The following IGF1R variants were observed in gnomAD, a reference collection of about 807,000 sequenced individuals.
The protein encoded by IGF1R is insulin-like growth factor 1 receptor.
A neutral mutation model predicts 144.6 loss-of-function variants in IGF1R; 44 were observed. That is an observed-to-expected ratio of 0.30 (90% CI 0.24 to 0.39). The LOEUF (loss-of-function observed/expected upper bound fraction) is 0.39. IGF1R is among the 10% of genes least tolerant of loss of function. IGF1R has a pLI of 1.00. For synonymous variants in IGF1R, 795 were observed against 722.8 expected (o/e 1.10, Z -1.60); for missense variants, 1,355 against 1,833.7 (o/e 0.74, Z 4.77).
At chr15:98,822,586 G>A (rs928673564) in intron 2 of IGF1R, among the ~76,000 whole-genome samples, 1 of 152,188 alleles carries the variant, frequency 6.6e-6, no homozygotes, top group African/African-American at 2.4e-5. Context: ...GGGTTATAAA[G>A]CTTCTTATTC....
intron 2 of IGF1R, among the ~76,000 whole-genome samples, chr15:98,745,149 C>A (rs1441527748): frequency 6.6e-6 from 1 of 152,240 alleles, no homozygotes; most frequent in African/African-American, 2.4e-5. Flanking sequence ...AGAAGGAAGT[C>A]ATGCTTCTCA....
intron 2 of IGF1R, among the ~76,000 whole-genome samples, chr15:98,847,285 T>G (rs2011367234): frequency 6.6e-6 from 1 of 152,160 alleles, no homozygotes; most frequent in Non-Finnish European, 1.5e-5. Flanking sequence ...TACCGGACAG[T>G]CCACTCTTTA....
intron 2 of IGF1R, among the ~76,000 whole-genome samples, chr15:98,855,920 G>C (rs957213940): frequency 1.3e-5 from 2 of 152,226 alleles, no homozygotes; most frequent in Non-Finnish European, 2.9e-5. Flanking sequence ...TGGTGCAGCT[G>C]GTCAGTTTGC....
At chr15:98,864,005 C>A (rs549272932) in intron 2 of IGF1R, among the ~76,000 whole-genome samples, 1 of 152,172 alleles carries the variant, frequency 6.6e-6, no homozygotes, top group African/African-American at 2.4e-5. Flanking sequence ...TGCCTGTTAT[C>A]CCAGCACTTT....
Position 98,924,596 on chromosome 15 carries a change from G to T in IGF1R, c.2694G>T (p.Pro898=), listed in dbSNP as rs146023463. ...YGGAKLNRLN[P]GNYTARIQAT... is the part of the protein sequence containing the mutation. ...GGGCCAAGCTAAACCGGCTAAACCC[G>T]GGGAACTACACAGCCCGGATTCAGG... is the stretch of plus-strand genomic sequence containing the variant. The change falls in exon 13 of 21, where the codon CCG becomes CCT. Residue 898 remains proline (P), a synonymous_variant. Coordinates refer to ENST00000650285, the MANE Select transcript of IGF1R (RefSeq NM_000875.5). 11 of 1,614,072 alleles carry T rather than the reference G, an allele frequency of 6.8e-6. No homozygotes were observed. Among genetic ancestry groups the T allele is most frequent in the Non-Finnish European group, 9.3e-6 (11 of 1,179,928 alleles).
rs45567841 is a variant in IGF1R at position 98,891,754 on chromosome 15, A to G, written c.953+117A>G. 969 of 990,484 alleles carry G rather than the reference A, an allele frequency of 9.8e-4. 9 individuals carry two copies. In the African/African-American group the frequency reaches 0.01, roughly 10 times the overall value. The allele number at this position is 990,484 out of a possible 1,614,324, so 61.4% of individuals were successfully genotyped here. ...GGTGCAGCCCTCAGGAAGTTCACTG[A>G]GGTGGGTCATTTTGAGAGGGCTGGC... On this transcript the variant is annotated intron_variant, in intron 3 of 20. Coordinates refer to ENST00000650285, the MANE Select transcript of IGF1R (RefSeq NM_000875.5). This position sits in a 1 kb window ranked among gnomAD's most constrained non-coding sequence, Gnocchi z 4.7.
At chr15:98,887,124 T>C (rs1455177291) in intron 2 of IGF1R, among the ~76,000 whole-genome samples, 1 of 152,188 alleles carries the variant, frequency 6.6e-6, no homozygotes, top group Non-Finnish European at 1.5e-5. Flanking sequence ...TGATTTTTCC[T>C]GGTTGGTTTT....
rs756152020 is a variant in IGF1R, at chr15:98,707,454, T to C, written c.95-108T>C. ...GCAGTGAACAATTGAACCTCATTTCTTTAATAATAATACAGGATTCCTGAA... is the reference window on the plus strand; with the variant it reads ...GCAGTGAACAATTGAACCTCATTTCCTTAATAATAATACAGGATTCCTGAA... On this transcript the variant is annotated intron_variant, in intron 1 of 20. Coordinates refer to ENST00000650285, the MANE Select transcript of IGF1R (RefSeq NM_000875.5). The surrounding 1 kb of genome is among the most constrained non-coding windows in gnomAD (Gnocchi z 6.7). The C allele has an allele frequency of 1.3e-5, 15 of 1,162,906 alleles. No homozygotes were observed. The highest frequency in any genetic ancestry group is 1.6e-5 in the Non-Finnish European group (13 of 796,940). The allele number at this position is 1,162,906 out of a possible 1,614,324, so 72.0% of individuals were successfully genotyped here. A position where few individuals can be genotyped will look rare whatever the true frequency, so the allele number is the denominator to read the frequency against.
In IGF1R at chr15:98,960,481, T is replaced by G. The variant is rs555908292; in HGVS notation, c.*3039T>G. 1 of 233,252 alleles carries G rather than the reference T, an allele frequency of 4.3e-6. No individual in the cohort carries two copies. Among genetic ancestry groups the G allele is most frequent in the Admixed American group, 5.6e-5 (1 of 17,802 alleles). 14.4% of individuals were successfully genotyped at this position (233,252 alleles called of 1,614,324 possible). ...ATGGAATGACCAACACATTTCGTCCTTAAGAGAGCAGTGGTTCCTCAGGTT... is the reference window on the plus strand; with the variant it reads ...ATGGAATGACCAACACATTTCGTCCGTAAGAGAGCAGTGGTTCCTCAGGTT... On this transcript the variant is annotated 3_prime_UTR_variant, in exon 21 of 21. Coordinates refer to ENST00000650285, the MANE Select transcript of IGF1R (RefSeq NM_000875.5).
intron 2 of IGF1R, among the ~76,000 whole-genome samples, chr15:98,889,119 GTAACTGGATGGCCA>G (rs1008711223): frequency 1.3e-5 from 2 of 152,212 alleles, no homozygotes; most frequent in African/African-American, 4.8e-5. Flanking sequence ...GATGTAGTCT[GTAACTGGATGGCCA>G]TATTATCAAC....
chr15:98,706,883 A>G (rs1324490136), intron 1 of IGF1R, among the ~76,000 whole-genome samples: 1 of 151,830 alleles, frequency 6.6e-6, no homozygotes, highest in Non-Finnish European at 1.5e-5. Context: ...TTTCTTGATC[A>G]ATAAAACTTA....
In IGF1R at chr15:98,751,037, C is replaced by T. The variant is rs147931724; in HGVS notation, c.640+42930C>T. Among the ~76,000 whole-genome samples, 616 of 152,252 alleles carry T rather than the reference C, an allele frequency of 4.0e-3. 7 individuals carry two copies. Among genetic ancestry groups the T allele is most frequent in the African/African-American group, 0.014 (585 of 41,550 alleles). ...AACTCCTGGCCTCAAGTGATCCACC[C>T]ACCTCGGCCTCCCAAAGTCCTGGGA... is the stretch of plus-strand genomic sequence containing the variant. On this transcript the variant is annotated intron_variant, in intron 2 of 20. Coordinates refer to ENST00000650285, the MANE Select transcript of IGF1R (RefSeq NM_000875.5).
chr15:98,868,966 C>CT (rs1355674210), intron 2 of IGF1R, among the ~76,000 whole-genome samples: 1 of 152,124 alleles, frequency 6.6e-6, no homozygotes, highest in African/African-American at 2.4e-5. Context: ...GAGAGCTGGG[C>CT]TTGTGCATAG....
At chr15:98,659,681 T>C (rs1409372840) in intron 1 of IGF1R, among the ~76,000 whole-genome samples, 1 of 148,996 alleles carries the variant, frequency 6.7e-6, no homozygotes, top group Non-Finnish European at 1.5e-5. Context: ...TAACACCTAG[T>C]GTGTCTTTTA....
chr15:98,733,484 G>A, intron 2 of IGF1R, among the ~76,000 whole-genome samples: 1 of 105,682 alleles, frequency 9.5e-6, no homozygotes, highest in South Asian at 2.9e-4. Flanking sequence ...ACCTGGCTGA[G>A]AAGGTTTTTT....
At chr15:98,672,019 A>T (rs900216868) in intron 1 of IGF1R, among the ~76,000 whole-genome samples, 1 of 152,228 alleles carries the variant, frequency 6.6e-6, no homozygotes, top group African/African-American at 2.4e-5. Context: ...TATGGTGTGT[A>T]TATTAATATA....
intron 2 of IGF1R, among the ~76,000 whole-genome samples, chr15:98,761,746 G>A (rs2048640): frequency 0.055 from 8,390 of 152,306 alleles, 275 homozygotes; most frequent in East Asian, 0.12. Context: ...GCCTCTGTAA[G>A]TATCTCCATA....
In IGF1R at chr15:98,649,522, T is replaced by TTTG; in HGVS notation, c.-58_-57insGTT. 1.1e-6 allele frequency: 1 copy of TTTG among 943,442 alleles called. No individual in the cohort carries two copies. The highest frequency in any genetic ancestry group is 1.6e-6 in the Non-Finnish European group (1 of 639,022). 58.4% of individuals were successfully genotyped at this position (943,442 alleles called of 1,614,324 possible). A position where few individuals can be genotyped will look rare whatever the true frequency, so the allele number is the denominator to read the frequency against. ...CTTTCATTTCCTTTTTTTCTTTTCT[T>TTTG]TTCTTTTTTTTTTTTTTTTTTTTTT... On this transcript the variant is annotated 5_prime_UTR_variant, in exon 1 of 21. Coordinates refer to ENST00000650285, the MANE Select transcript of IGF1R (RefSeq NM_000875.5).
intron 2 of IGF1R, among the ~76,000 whole-genome samples, chr15:98,825,980 A>C (rs1276458081): frequency 6.6e-6 from 1 of 152,184 alleles, no homozygotes; most frequent in Non-Finnish European, 1.5e-5. Context: ...TGACCTTTCC[A>C]TACTTTTCAA....
Sources: allele counts gnomAD v4.1 joint callset (sites outside exome capture counted in the v4.1 genomes callset), GRCh38; gene constraint gnomAD v4.1.1; non-coding constraint Gnocchi (gnomAD v3.1); transcripts MANE v1.5; gene names NCBI Gene and HGNC (gene_info 2026-07-23, HGNC 2026-07-21).